The following FAR2 variants were observed in gnomAD, a reference collection of about 807,000 sequenced individuals.
The protein encoded by FAR2 is epididymis secretory protein Li 81.
A neutral mutation model predicts 56.0 loss-of-function variants in FAR2; 19 were observed. The observed-to-expected ratio is 0.34, with a 90% CI of 0.24 to 0.50. The LOEUF (loss-of-function observed/expected upper bound fraction) is 0.50. Ranked by LOEUF, FAR2 falls within the 20% of genes least tolerant of loss-of-function variation. The probability of loss-of-function intolerance (pLI) is 0.98; values close to 1 mark genes in which losing one functional copy is unlikely to be tolerated. For missense variants in FAR2, 508 were observed against 642.2 expected (o/e 0.79, Z 2.26); for synonymous variants, 219 against 218.8 (o/e 1.00, Z -0.01).
intron 1 of FAR2, among the ~76,000 whole-genome samples, chr12:29,204,492 A>C (rs1947456973): frequency 6.6e-6 from 1 of 152,228 alleles, no homozygotes. Context: ...TTAGACTTTA[A>C]GTGTAAAGCA....
At chr12:29,310,603 T>G (rs1018319490) in intron 6 of FAR2, among the ~76,000 whole-genome samples, 7 of 152,202 alleles carry the variant, frequency 4.6e-5, no homozygotes, top group Non-Finnish European at 8.8e-5. Context: ...TGTAAGTTAA[T>G]AAACCCTAGC....
intron 10 of FAR2, among the ~76,000 whole-genome samples, chr12:29,331,261 A>G (rs1282686932): frequency 6.6e-6 from 1 of 150,798 alleles, no homozygotes; most frequent in Non-Finnish European, 1.5e-5. Flanking sequence ...GTGATCTGAG[A>G]GTGCTGTATG....
In FAR2 at chr12:29,321,835, A is replaced by G. The variant is rs769300762; in HGVS notation, c.1168A>G (p.Met390Val). ...LMNRLLRTVS[M>V]LEYFINRSWE... is the part of the protein sequence containing the mutation. ...GAATCGGCTTTTAAGAACTGTTTCC[A>G]TGTTGGAGTATTTCATCAACCGGAG... The change falls in exon 10 of 12, where the codon ATG becomes GTG. Residue 390 changes from methionine to valine, a missense_variant. Physicochemically the swap from Met to Val is conservative, Grantham distance 21. Coordinates refer to ENST00000536681, the MANE Select transcript of FAR2 (RefSeq NM_001271783.2). 4 of 1,613,856 alleles carry G rather than the reference A, an allele frequency of 2.5e-6. No homozygotes were observed. In the Admixed American group the frequency reaches 6.7e-5, roughly 27 times the overall value.
At chr12:29,291,499 G>GT in intron 2 of FAR2, 1 of 453,170 alleles carries the variant, frequency 2.2e-6, no homozygotes, top group South Asian at 1.6e-5. Context: ...GCAATGGTCC[G>GT]TGTTTGCACT....
At position 29,254,413 on chromosome 12, in the gene FAR2, C is replaced by T. The variant is rs112946778; in HGVS notation, c.-38-15999C>T. On this transcript the variant is annotated intron_variant, in intron 1 of 11. Coordinates refer to ENST00000536681, the MANE Select transcript of FAR2 (RefSeq NM_001271783.2). ...GCAAGGGGATCTTGCTATTTTAGGG[C>T]GGTCCCAAACTCCTGAGCTCAAGCA... Among the ~76,000 whole-genome samples, 1,005 of 152,248 alleles carry T rather than the reference C, an allele frequency of 6.6e-3. 18 individuals carry two copies. Among genetic ancestry groups the T allele is most frequent in the African/African-American group, 0.022 (924 of 41,532 alleles).
chr12:29,178,229 CACT>C (rs1300704282), intron 1 of FAR2, among the ~76,000 whole-genome samples: 1 of 151,564 alleles, frequency 6.6e-6, no homozygotes, highest in Non-Finnish European at 1.5e-5. Context: ...CCAGTACCAC[CACT>C]ATTTTATGTT....
chr12:29,248,447 A>G (rs946662343), intron 1 of FAR2, among the ~76,000 whole-genome samples: 2 of 152,164 alleles, frequency 1.3e-5, no homozygotes, highest in Non-Finnish European at 2.9e-5. Context: ...GGGATTTTCA[A>G]AAGGGGAGGG....
intron 2 of FAR2, among the ~76,000 whole-genome samples, chr12:29,287,413 C>T (rs1216234168): frequency 6.6e-6 from 1 of 152,144 alleles, no homozygotes; most frequent in Non-Finnish European, 1.5e-5. Flanking sequence ...TTAATCTGTA[C>T]ATTGGGTATA....
intron 4 of FAR2, among the ~76,000 whole-genome samples, chr12:29,300,188 G>A (rs1015034466): frequency 1.3e-5 from 2 of 152,178 alleles, no homozygotes; most frequent in Non-Finnish European, 2.9e-5. Flanking sequence ...GTAACAAGCT[G>A]ATATTTTGGG....
chr12:29,325,214 T>C (rs1011000487), intron 10 of FAR2, among the ~76,000 whole-genome samples: 3 of 152,138 alleles, frequency 2.0e-5, no homozygotes, highest in African/African-American at 7.2e-5. Flanking sequence ...CCTAAATATA[T>C]ATGCACCCAA....
chr12:29,275,888 T>G (rs1483952801), intron 2 of FAR2, among the ~76,000 whole-genome samples: 1 of 152,228 alleles, frequency 6.6e-6, no homozygotes, highest in Non-Finnish European at 1.5e-5. Context: ...CTTGCAAATC[T>G]CAGCACCTGT....
At chr12:29,229,087 T>A (rs1261826922) in intron 1 of FAR2, among the ~76,000 whole-genome samples, 1 of 152,222 alleles carries the variant, frequency 6.6e-6, no homozygotes, top group African/African-American at 2.4e-5. Context: ...TTCTAAAGCC[T>A]GTCTTCCCCG....
intron 1 of FAR2, among the ~76,000 whole-genome samples, chr12:29,168,965 G>A (rs907025276): frequency 6.6e-6 from 1 of 152,142 alleles, no homozygotes; most frequent in African/African-American, 2.4e-5. Context: ...ATTTTACAGA[G>A]TGCTGATTGA....
At chr12:29,251,763 C>A (rs1187365120) in intron 1 of FAR2, among the ~76,000 whole-genome samples, 1 of 152,062 alleles carries the variant, frequency 6.6e-6, no homozygotes, top group Non-Finnish European at 1.5e-5. Context: ...GATTAGAGAC[C>A]AATACCACCA....
chr12:29,170,540 G>A (rs373341513), intron 1 of FAR2, among the ~76,000 whole-genome samples: 3 of 152,152 alleles, frequency 2.0e-5, no homozygotes, highest in East Asian at 3.8e-4. Context: ...GTTTTCTTTA[G>A]TATTTTCATC....
chr12:29,295,321 G>A (rs551558490), intron 3 of FAR2, among the ~76,000 whole-genome samples: 3 of 152,098 alleles, frequency 2.0e-5, no homozygotes, highest in Non-Finnish European at 2.9e-5. Context: ...TGATCCGCCC[G>A]CCTCGGCCTC....
At chr12:29,291,565 T>C (rs1948968080) in intron 2 of FAR2, 2 of 427,244 alleles carry the variant, frequency 4.7e-6, no homozygotes, top group African/African-American at 4.1e-5. Flanking sequence ...GGGGACTTGG[T>C]GTGAAATACA....
intron 1 of FAR2, among the ~76,000 whole-genome samples, chr12:29,173,095 G>C (rs762974743): frequency 1.3e-5 from 2 of 152,206 alleles, no homozygotes; most frequent in Non-Finnish European, 2.9e-5. Context: ...CTCCAAGTGA[G>C]GTCAAAGGTT....
At chr12:29,197,760 C>A (rs1294246607) in intron 1 of FAR2, among the ~76,000 whole-genome samples, 1 of 152,254 alleles carries the variant, frequency 6.6e-6, no homozygotes, top group East Asian at 1.9e-4. Flanking sequence ...GGAGCATTGA[C>A]TTCTTTCAAA....
Sources: allele counts gnomAD v4.1 joint callset (sites outside exome capture counted in the v4.1 genomes callset), GRCh38; gene constraint gnomAD v4.1.1; transcripts MANE v1.5; gene names NCBI Gene and HGNC (gene_info 2026-07-23, HGNC 2026-07-21).